Variants in TXNDC8 observed in about 807,000 individuals in gnomAD.
The protein encoded by TXNDC8 is thioredoxin domain-containing protein 8.
Under a neutral mutation model 12.9 loss-of-function variants are expected in TXNDC8, and 15 were observed. The observed-to-expected ratio is 1.16, with a 90% confidence interval of 0.78 to 1.79. The LOEUF is 1.79. Among genes scored for constraint, TXNDC8 ranks in the 40% most tolerant of loss-of-function variants. The pLI is 0.00. For missense variants in TXNDC8, 128 were observed against 113.2 expected (o/e 1.13, Z -0.59); for synonymous variants, 40 against 35.4 (o/e 1.13, Z -0.46).
chr9:110,305,627 CCTTT>C (rs1452311607), intron 3 of TXNDC8, among the ~76,000 whole-genome samples: 7 of 113,478 alleles, frequency 6.2e-5, no homozygotes, highest in Non-Finnish European at 1.1e-4. Context: ...TTCCTTCCTT[CCTTT>C]CTTTTTCTTT....
At position 110,303,605 on chromosome 9, in the gene TXNDC8, T is replaced by C. The variant is rs777231332; in HGVS notation, c.*77A>G. ...AAATCTGTTCACAAATGCACAAAGG[T>C]GAAACATTTATTGATTCAAGTGCTG... On this transcript the variant is annotated 3_prime_UTR_variant, in exon 5 of 5. Coordinates refer to ENST00000423740, the MANE Select transcript of TXNDC8 (RefSeq NM_001286946.2). 3 of 1,563,442 alleles carry C rather than the reference T, an allele frequency of 1.9e-6. No homozygotes were observed. The highest frequency in any genetic ancestry group is 2.6e-6 in the Non-Finnish European group (3 of 1,150,482).
chr9:110,321,007 C>A (rs1458553018), intron 3 of TXNDC8, among the ~76,000 whole-genome samples: 2 of 152,230 alleles, frequency 1.3e-5, no homozygotes, highest in Non-Finnish European at 2.9e-5. Flanking sequence ...TTCATTCAAT[C>A]TCTGCATGAA....
At chr9:110,328,437 C>CA (rs1342880850) in intron 2 of TXNDC8, among the ~76,000 whole-genome samples, 5 of 152,216 alleles carry the variant, frequency 3.3e-5, no homozygotes, top group Admixed American at 2.0e-4. Context: ...AAAAAACACA[C>CA]AAAAAGCGTA....
At chr9:110,310,699 C>A (rs555844792) in intron 3 of TXNDC8, among the ~76,000 whole-genome samples, 4 of 152,240 alleles carry the variant, frequency 2.6e-5, no homozygotes, top group Admixed American at 2.6e-4. Context: ...AATAAACAAG[C>A]TAGCTTTAAA....
chr9:110,322,682 C>T (rs1839150770), intron 3 of TXNDC8: 2 of 985,442 alleles, frequency 2.0e-6, no homozygotes, highest in Non-Finnish European at 2.4e-6. Flanking sequence ...ACAATATCAG[C>T]AGCAGCAGGA....
intron 3 of TXNDC8, among the ~76,000 whole-genome samples, chr9:110,314,573 C>T (rs1400695313): frequency 6.6e-6 from 1 of 151,790 alleles, no homozygotes; most frequent in African/African-American, 2.4e-5. Flanking sequence ...GCTGGGACTA[C>T]AGGCGCCCGC....
Position 110,337,793 on chromosome 9 carries a change from C to A in TXNDC8, c.4G>T (p.Val2Leu), listed in dbSNP as rs895309277. The change falls in exon 1 of 5, where the codon GTA becomes TTA. Residue 2 changes from valine (V) to leucine (L), a missense_variant. Coordinates refer to ENST00000423740, the MANE Select transcript of TXNDC8 (RefSeq NM_001286946.2). The stretch of plus-strand genomic sequence containing the variant: ...CTTGCCGTGTCTTTAATAATCTGTA[C>A]CATGATTACACCAGGGAAGTGCTGA... The A allele has an allele frequency of 3.1e-6, 5 of 1,613,724 alleles. No individual in the cohort carries two copies. The African/African-American group carries it at 6.7e-5, about 22-fold the overall frequency.
At chr9:110,311,762 G>A (rs10816968) in intron 3 of TXNDC8, among the ~76,000 whole-genome samples, 44,749 of 131,180 alleles carry the variant, frequency 0.34, 8,342 homozygotes, top group African/African-American at 0.46. Context: ...GATATACTAT[G>A]TACTATATAT....
chr9:110,332,507 G>A (rs1839584413), intron 2 of TXNDC8, among the ~76,000 whole-genome samples: 1 of 152,100 alleles, frequency 6.6e-6, no homozygotes, highest in Non-Finnish European at 1.5e-5. Flanking sequence ...CTGAGGCTCA[G>A]GTGGATTAAA....
chr9:110,328,901 C>G (rs973983345), intron 2 of TXNDC8, among the ~76,000 whole-genome samples: 2 of 152,182 alleles, frequency 1.3e-5, no homozygotes, highest in South Asian at 2.1e-4. Context: ...TCTATTGTCT[C>G]CCTAGAGCAA....
At chr9:110,311,592 C>A (rs1476711928) in intron 3 of TXNDC8, among the ~76,000 whole-genome samples, 1 of 105,714 alleles carries the variant, frequency 9.5e-6, no homozygotes, top group African/African-American at 3.3e-5. Context: ...TACTATATTA[C>A]TATATCCATA....
intron 3 of TXNDC8, among the ~76,000 whole-genome samples, chr9:110,315,773 A>G (rs2118769323): frequency 6.7e-6 from 1 of 148,920 alleles, no homozygotes; most frequent in East Asian, 2.0e-4. Context: ...TTGGCTTCCC[A>G]AAGTGCTGGA....
chr9:110,323,545 A>G (rs891034595), intron 3 of TXNDC8: 11 of 192,512 alleles, frequency 5.7e-5, no homozygotes, highest in Non-Finnish European at 1.1e-4. Flanking sequence ...TGGAAACTGC[A>G]AATATATTCT....
At chr9:110,301,850 T>A (rs1431796900), downstream of TXNDC8, among the ~76,000 whole-genome samples, 1 of 152,228 alleles carries the variant, frequency 6.6e-6, no homozygotes, top group Non-Finnish European at 1.5e-5. Context: ...AATCAAGTTT[T>A]ATTTTAAGTG....
chr9:110,315,087 C>G (rs111329709), intron 3 of TXNDC8, among the ~76,000 whole-genome samples: 7 of 152,010 alleles, frequency 4.6e-5, no homozygotes, highest in African/African-American at 1.4e-4. Flanking sequence ...CTGCATTTGC[C>G]CATCATCCAG....
intron 3 of TXNDC8, chr9:110,323,474 T>G (rs1839189210): frequency 8.1e-6 from 3 of 368,966 alleles, no homozygotes; most frequent in Non-Finnish European, 1.1e-5. Context: ...CCTTGGTGAC[T>G]TTAGAGAGGA....
intron 2 of TXNDC8, among the ~76,000 whole-genome samples, chr9:110,326,452 G>A (rs1054084828): frequency 2.0e-5 from 3 of 152,188 alleles, no homozygotes; most frequent in South Asian, 2.1e-4. Flanking sequence ...TCGTTACAGC[G>A]TTCCTGGGCT....
intron 2 of TXNDC8, among the ~76,000 whole-genome samples, chr9:110,331,281 G>A (rs1839532433): frequency 6.6e-6 from 1 of 152,296 alleles, no homozygotes; most frequent in South Asian, 2.1e-4. Context: ...CTTCTTAGAT[G>A]TCCAGAGGCC....
At chr9:110,309,474 T>C (rs546904213) in intron 3 of TXNDC8, among the ~76,000 whole-genome samples, 2 of 152,180 alleles carry the variant, frequency 1.3e-5, no homozygotes, top group Non-Finnish European at 2.9e-5. Flanking sequence ...TAGCTGGAAT[T>C]ACAGGCATGC....
Sources: allele counts gnomAD v4.1 joint callset (sites outside exome capture counted in the v4.1 genomes callset), GRCh38; gene constraint gnomAD v4.1.1; transcripts MANE v1.5; gene names NCBI Gene and HGNC (gene_info 2026-07-23, HGNC 2026-07-21).